Variants in IGSF11 observed in about 807,000 individuals in gnomAD.
IGSF11 encodes CXADR like 1.
IGSF11 carries 22 observed loss-of-function variants against 41.0 expected under a neutral mutation model. The ratio of observed to expected loss-of-function variants is 0.54; its 90% CI spans 0.38 to 0.77. The LOEUF is 0.77. Ranked by LOEUF, IGSF11 falls within the 30% of genes least tolerant of loss-of-function variation. The probability of loss-of-function intolerance (pLI) is 0.00; values close to 1 mark genes in which losing one functional copy is unlikely to be tolerated. For missense variants in IGSF11, 444 were observed against 530.8 expected (o/e 0.84, Z 1.61); for synonymous variants, 219 against 201.3 (o/e 1.09, Z -0.74).
chr3:119,082,566 C>T (rs1026494644), intron 1 of IGSF11, among the ~76,000 whole-genome samples: 4 of 152,100 alleles, frequency 2.6e-5, no homozygotes, highest in African/African-American at 4.8e-5. Context: ...TTATGGGTTA[C>T]GTTTATACTA....
At chr3:119,043,228 G>T (rs1941190960) in intron 1 of IGSF11, among the ~76,000 whole-genome samples, 1 of 152,210 alleles carries the variant, frequency 6.6e-6, no homozygotes, top group Admixed American at 6.5e-5. Flanking sequence ...CTCAAAGGGG[G>T]TTGCTGTTGC....
chr3:119,079,937 G>C (rs1246480422), intron 1 of IGSF11, among the ~76,000 whole-genome samples: 2 of 152,092 alleles, frequency 1.3e-5, no homozygotes, highest in Admixed American at 6.6e-5. Context: ...CGGGTACTAC[G>C]CTCACTACCT....
At chr3:119,050,797 C>G (rs1301172794) in intron 1 of IGSF11, among the ~76,000 whole-genome samples, 2 of 151,662 alleles carry the variant, frequency 1.3e-5, no homozygotes, top group Non-Finnish European at 2.9e-5. Flanking sequence ...ACATATACAC[C>G]ATGGAATACT....
intron 1 of IGSF11, among the ~76,000 whole-genome samples, chr3:119,124,876 C>G (rs781229433): frequency 8.5e-5 from 13 of 152,064 alleles, no homozygotes; most frequent in Non-Finnish European, 1.6e-4. Context: ...AGTAATCAAA[C>G]TCCCAAAGGT....
intron 1 of IGSF11, among the ~76,000 whole-genome samples, chr3:119,031,633 G>A (rs1016030120): frequency 5.9e-5 from 9 of 152,124 alleles, no homozygotes; most frequent in Admixed American, 5.9e-4. Context: ...TAAGTGCTTG[G>A]TAATTTAATA....
chr3:119,005,410 T>C (rs1339216238), intron 1 of IGSF11, among the ~76,000 whole-genome samples: 3 of 151,262 alleles, frequency 2.0e-5, no homozygotes, highest in Non-Finnish European at 4.4e-5. Context: ...GTCTTGACTC[T>C]TTATCCAACT....
At chr3:119,001,400 C>T (rs190990230) in intron 1 of IGSF11, among the ~76,000 whole-genome samples, 120 of 151,272 alleles carry the variant, frequency 7.9e-4, no homozygotes, top group African/African-American at 2.8e-3. Flanking sequence ...GAACCTGGCA[C>T]GCAGTGGTAA....
intron 1 of IGSF11, among the ~76,000 whole-genome samples, chr3:119,089,019 C>A (rs145282014): frequency 2.0e-5 from 3 of 152,160 alleles, no homozygotes; most frequent in African/African-American, 7.2e-5. Flanking sequence ...ATAACTGATA[C>A]GAATTCTGCT....
intron 1 of IGSF11, among the ~76,000 whole-genome samples, chr3:119,069,399 T>C (rs528148809): frequency 6.6e-6 from 1 of 152,308 alleles, no homozygotes; most frequent in South Asian, 2.1e-4. Context: ...AAAAATCCTT[T>C]TGGAAATGAT....
intron 1 of IGSF11, among the ~76,000 whole-genome samples, chr3:119,050,852 T>G (rs1299569222): frequency 6.6e-6 from 1 of 151,936 alleles, no homozygotes; most frequent in African/African-American, 2.4e-5. Context: ...TGTAGGGACA[T>G]GGATGAAATT....
chr3:118,992,411 T>C (rs1308788015), intron 1 of IGSF11, among the ~76,000 whole-genome samples: 2 of 152,258 alleles, frequency 1.3e-5, no homozygotes, highest in African/African-American at 4.8e-5. Context: ...TTAATTTAGA[T>C]GGCGTTCTTT....
intron 1 of IGSF11, among the ~76,000 whole-genome samples, chr3:119,054,199 A>C (rs553730124): frequency 6.6e-6 from 1 of 152,368 alleles, no homozygotes; most frequent in South Asian, 2.1e-4. Flanking sequence ...TCTGCACAGC[A>C]AAAGAAATAA....
At chr3:118,966,582 G>C (rs1945691031) in intron 1 of IGSF11, among the ~76,000 whole-genome samples, 1 of 152,130 alleles carries the variant, frequency 6.6e-6, no homozygotes, top group African/African-American at 2.4e-5. Flanking sequence ...AATTAAAAAG[G>C]TAACTTTCAC....
chr3:119,000,673 A>ATCCT (rs1936731239), intron 1 of IGSF11, among the ~76,000 whole-genome samples: 1 of 152,172 alleles, frequency 6.6e-6, no homozygotes, highest in Admixed American at 6.5e-5. Context: ...GAATTATTCC[A>ATCCT]GTAGTGTGTC....
At chr3:119,040,192 T>A (rs1191807027) in intron 1 of IGSF11, among the ~76,000 whole-genome samples, 1 of 152,164 alleles carries the variant, frequency 6.6e-6, no homozygotes, top group African/African-American at 2.4e-5. Context: ...ATGGATCAGC[T>A]GGCACCACCC....
intron 4 of IGSF11, among the ~76,000 whole-genome samples, chr3:118,913,718 A>G (rs888420043): frequency 6.6e-6 from 1 of 152,226 alleles, no homozygotes; most frequent in Admixed American, 6.5e-5. Flanking sequence ...GAAGCAATGG[A>G]GCAAAAAAAA....
intron 1 of IGSF11, among the ~76,000 whole-genome samples, chr3:119,092,798 T>G (rs2076786348): frequency 6.6e-6 from 1 of 152,164 alleles, no homozygotes; most frequent in Non-Finnish European, 1.5e-5. Context: ...TATACCATAT[T>G]TTTGTTGTAC....
chr3:119,044,817 G>A (rs1004944504), intron 1 of IGSF11, among the ~76,000 whole-genome samples: 1 of 152,162 alleles, frequency 6.6e-6, no homozygotes, highest in Admixed American at 6.5e-5. Context: ...CTTCATAAAC[G>A]AAGGAGAGAT....
At chr3:119,077,754 T>C (rs2076524683) in intron 1 of IGSF11, among the ~76,000 whole-genome samples, 1 of 152,206 alleles carries the variant, frequency 6.6e-6, no homozygotes, top group African/African-American at 2.4e-5. Flanking sequence ...CTTTTTACAA[T>C]GATGTGATTC....
Sources: gnomAD v4.1 joint callset for allele counts (sites outside exome capture counted in the v4.1 genomes callset) on GRCh38, gnomAD v4.1.1 for gene constraint, MANE v1.5 for transcripts, NCBI Gene and HGNC (gene_info 2026-07-23, HGNC 2026-07-21) for gene names.